The following SNTG1 variants were observed in gnomAD, a reference collection of about 807,000 sequenced individuals.
SNTG1 encodes the protein syntrophin gamma 1.
In SNTG1, 39 loss-of-function variants were observed where a neutral mutation model predicts 74.7. The observed-to-expected ratio is 0.52, with a 90% confidence interval of 0.40 to 0.68. SNTG1 has a LOEUF of 0.68. Ranked by LOEUF, SNTG1 falls within the 30% of genes least tolerant of loss-of-function variation. The pLI is 0.00. For missense variants in SNTG1, 685 were observed against 609.5 expected, an observed-to-expected ratio of 1.12 and a Z score of -1.30; for synonymous variants, 254 against 217.1, an observed-to-expected ratio of 1.17 and a Z score of -1.49.
At chr8:50,051,665 C>T (rs894313063) in intron 1 of SNTG1, among the ~76,000 whole-genome samples, 1 of 152,198 alleles carries the variant, frequency 6.6e-6, no homozygotes, top group East Asian at 1.9e-4. Flanking sequence ...CAGCATTCCT[C>T]GGCTTATAGC....
intron 18 of SNTG1, among the ~76,000 whole-genome samples, chr8:50,768,171 C>G (rs545511940): frequency 6.6e-6 from 1 of 152,040 alleles, no homozygotes; most frequent in African/African-American, 2.4e-5. Context: ...ACTACAGCAT[C>G]ATAAGAGAAA....
intron 1 of SNTG1, among the ~76,000 whole-genome samples, chr8:50,109,746 T>C (rs999775685): frequency 1.8e-4 from 27 of 152,074 alleles, no homozygotes; most frequent in African/African-American, 6.5e-4. Flanking sequence ...GTGAGCCCTA[T>C]TGAAGGGAAA....
chr8:50,776,419 G>T (rs2131808125), intron 18 of SNTG1, among the ~76,000 whole-genome samples: 1 of 145,818 alleles, frequency 6.9e-6, no homozygotes, highest in Admixed American at 6.9e-5. Flanking sequence ...ATATATTATA[G>T]CTTATAATAT....
intron 18 of SNTG1, among the ~76,000 whole-genome samples, chr8:50,761,230 T>G (rs1224875709): frequency 6.6e-6 from 1 of 151,956 alleles, no homozygotes; most frequent in Non-Finnish European, 1.5e-5. Flanking sequence ...CACAAATCAA[T>G]AAACGTTAAT....
intron 17 of SNTG1, among the ~76,000 whole-genome samples, chr8:50,724,844 C>T (rs941186022): frequency 3.9e-5 from 6 of 151,990 alleles, no homozygotes; most frequent in African/African-American, 1.4e-4. Flanking sequence ...TTTATGGTAG[C>T]ATTCAAAATA....
chr8:50,096,757 C>CA (rs2079943553), intron 1 of SNTG1, among the ~76,000 whole-genome samples: 1 of 151,984 alleles, frequency 6.6e-6, no homozygotes, highest in Non-Finnish European at 1.5e-5. Flanking sequence ...TAGAACAGCT[C>CA]ACAAAAATTT....
At chr8:50,504,898 G>A (rs1236570118) in intron 9 of SNTG1, among the ~76,000 whole-genome samples, 2 of 152,096 alleles carry the variant, frequency 1.3e-5, no homozygotes, top group South Asian at 2.1e-4. Flanking sequence ...GTTCAGAAGA[G>A]TAGCCTTAAG....
At chr8:50,017,889 T>C (rs1387960697) in intron 1 of SNTG1, among the ~76,000 whole-genome samples, 1 of 151,874 alleles carries the variant, frequency 6.6e-6, no homozygotes, top group Admixed American at 6.6e-5. Context: ...AACAGAAGAC[T>C]TGAACAACAC....
chr8:50,738,894 C>T (rs894881342), intron 17 of SNTG1, among the ~76,000 whole-genome samples: 1 of 151,874 alleles, frequency 6.6e-6, no homozygotes, highest in Non-Finnish European at 1.5e-5. Flanking sequence ...CCTTTTTACA[C>T]CTTATACAAA....
At position 50,068,543 on chromosome 8, in the gene SNTG1, AG is replaced by A. The variant is rs1205183597; in HGVS notation, c.-102-104016del. Among the ~76,000 whole-genome samples, 4 of 152,206 alleles carry A rather than the reference AG, an allele frequency of 2.6e-5. No homozygotes were observed. In the East Asian group the frequency reaches 7.7e-4, roughly 29 times the overall value. On this transcript the variant is annotated intron_variant, in intron 1 of 18. Coordinates refer to ENST00000642720, the MANE Select transcript of SNTG1 (RefSeq NM_018967.5). ...GGCCACACCCCCACCCCTGCCAGCC[AG>A]GACAGTTCCTAGACCCTTCCCCTGA...
At chr8:50,624,989 CTT>C (rs2094947544) in intron 13 of SNTG1, among the ~76,000 whole-genome samples, 1 of 152,156 alleles carries the variant, frequency 6.6e-6, no homozygotes, top group South Asian at 2.1e-4. Context: ...TTGGCACTTG[CTT>C]TCCAAAAGCT....
At chr8:49,930,734 T>C (rs1485125945) in intron 1 of SNTG1, among the ~76,000 whole-genome samples, 1 of 152,146 alleles carries the variant, frequency 6.6e-6, no homozygotes, top group East Asian at 1.9e-4. Flanking sequence ...CTGACAAACA[T>C]TTTAATTGTT....
At position 50,429,027 on chromosome 8, in the gene SNTG1, G is replaced by A. The variant is rs141255574; in HGVS notation, c.163-9516G>A. Among the ~76,000 whole-genome samples the A allele has an allele frequency of 1.3e-4, 19 of 151,974 alleles. No individual in the cohort carries two copies. In the East Asian group the frequency reaches 3.5e-3, roughly 28 times the overall value. ...AAATGAAAAGACATACCATTTTCAT[G>A]TATTAGAAAACTCAATATTATTGTT... On this transcript the variant is annotated intron_variant, in intron 4 of 18. Coordinates refer to ENST00000642720, the MANE Select transcript of SNTG1 (RefSeq NM_018967.5).
intron 2 of SNTG1, among the ~76,000 whole-genome samples, chr8:50,309,043 TATAGTC>T (rs1158837001): frequency 2.0e-5 from 3 of 152,188 alleles, no homozygotes; most frequent in African/African-American, 7.2e-5. Flanking sequence ...TCTAGGCATT[TATAGTC>T]ATCTGGAAAG....
chr8:49,986,900 T>G (rs905784375), intron 1 of SNTG1, among the ~76,000 whole-genome samples: 1 of 151,950 alleles, frequency 6.6e-6, no homozygotes, highest in African/African-American at 2.4e-5. Flanking sequence ...TAAATAAATA[T>G]GTAAATATAA....
intron 13 of SNTG1, among the ~76,000 whole-genome samples, chr8:50,604,381 A>G (rs925562164): frequency 2.0e-5 from 3 of 152,070 alleles, no homozygotes; most frequent in Non-Finnish European, 4.4e-5. Flanking sequence ...ACACCACTGC[A>G]CTTCAGCCTA....
At chr8:50,071,082 C>T (rs976064427) in intron 1 of SNTG1, among the ~76,000 whole-genome samples, 8 of 152,318 alleles carry the variant, frequency 5.3e-5, no homozygotes, top group African/African-American at 1.7e-4. Flanking sequence ...ATTTACTCTG[C>T]ACTCTGTTGG....
chr8:50,525,707 T>G (rs1047496597), intron 9 of SNTG1, among the ~76,000 whole-genome samples: 1 of 152,086 alleles, frequency 6.6e-6, no homozygotes, highest in Non-Finnish European at 1.5e-5. Context: ...GTGGGTTTCT[T>G]GTCTTTTCTA....
chr8:50,566,733 A>G (rs1199010580), intron 12 of SNTG1, among the ~76,000 whole-genome samples: 2 of 146,780 alleles, frequency 1.4e-5, no homozygotes, highest in Non-Finnish European at 3.0e-5. Context: ...TTTGTTTTTC[A>G]GAAGTCTTTT....
Sources: allele counts gnomAD v4.1 joint callset (sites outside exome capture counted in the v4.1 genomes callset), GRCh38; gene constraint gnomAD v4.1.1; transcripts MANE v1.5; gene names NCBI Gene and HGNC (gene_info 2026-07-23, HGNC 2026-07-21).